LAMA2: variants seen among roughly 807,000 people sequenced by gnomAD.
The protein encoded by LAMA2 is laminin subunit alpha 2.
Under a neutral mutation model 364.8 loss-of-function variants are expected in LAMA2, and 269 were observed. The ratio of observed to expected loss-of-function variants is 0.74; its 90% CI spans 0.67 to 0.82. LAMA2 has a LOEUF of 0.82. Ranked by LOEUF, LAMA2 falls within the 40% of genes least tolerant of loss-of-function variation. The pLI is 0.00. For missense variants in LAMA2, 3,807 were observed against 3,873.2 expected, an observed-to-expected ratio of 0.98 and a Z score of 0.45; for synonymous variants, 1,379 against 1,370.6, an observed-to-expected ratio of 1.01 and a Z score of -0.14.
chr6:128,956,479 G>A (rs1429913810), intron 1 of LAMA2, among the ~76,000 whole-genome samples: 2 of 152,086 alleles, frequency 1.3e-5, no homozygotes, highest in Middle Eastern at 3.4e-3. Flanking sequence ...GTGAAACATA[G>A]CACTGGATAT....
In LAMA2 at chr6:129,456,415, C is replaced by T. The variant is rs56209257; in HGVS notation, c.6788C>T (p.Thr2263Met). ...ASIVPSTHHS[T>M]SPPGYTILDV... ...ATTGTGCCCAGCACACACCATTCGACGTCTCCTCCAGGGTACACGATTCTA... is the reference window on the plus strand; with the variant it reads ...ATTGTGCCCAGCACACACCATTCGATGTCTCCTCCAGGGTACACGATTCTA... The change falls in exon 48 of 65, where the codon ACG (threonine) becomes ATG (methionine). Residue 2263 changes from threonine (T) to methionine (M), a missense_variant. Physicochemically the swap from Thr to Met is moderately conservative, Grantham distance 81. Around this residue, in one of 3 missense-constraint regions of LAMA2, gnomAD observed 3,333 missense variants for 3,345.7 expected, o/e 1.00. Coordinates refer to ENST00000421865, the MANE Select transcript of LAMA2 (RefSeq NM_000426.4). 6.1e-4 allele frequency: 980 copies of T among 1,613,358 alleles called. 5 individuals carry two copies. The African/African-American group carries it at 9.2e-3, about 15-fold the overall frequency.
intron 4 of LAMA2, among the ~76,000 whole-genome samples, chr6:129,136,449 T>C (rs1029158526): frequency 6.6e-6 from 1 of 151,744 alleles, no homozygotes; most frequent in Non-Finnish European, 1.5e-5. Flanking sequence ...CACTGCCACA[T>C]GAAATCTGCT....
At chr6:129,245,666 G>A (rs1785702687) in intron 12 of LAMA2, among the ~76,000 whole-genome samples, 1 of 152,106 alleles carries the variant, frequency 6.6e-6, no homozygotes, top group Non-Finnish European at 1.5e-5. Flanking sequence ...AGTTCTCCCT[G>A]TTTGGAATCT....
intron 1 of LAMA2, among the ~76,000 whole-genome samples, chr6:128,911,968 A>T (rs1434145127): frequency 6.6e-6 from 1 of 152,180 alleles, no homozygotes; most frequent in Non-Finnish European, 1.5e-5. Flanking sequence ...TTTTGCATCC[A>T]TCAATATTTT....
intron 30 of LAMA2, among the ~76,000 whole-genome samples, chr6:129,343,852 A>G (rs1161496046): frequency 1.3e-5 from 2 of 152,176 alleles, no homozygotes; most frequent in Non-Finnish European, 2.9e-5. Flanking sequence ...AGCATGTATA[A>G]TGGGTCTTAA....
chr6:129,445,231 G>T (rs1782307539), intron 44 of LAMA2, among the ~76,000 whole-genome samples: 1 of 152,108 alleles, frequency 6.6e-6, no homozygotes, highest in African/African-American at 2.4e-5. Flanking sequence ...GTGAGAAAAA[G>T]AAAGAAAACC....
chr6:129,282,828 G>T (rs1045334302), intron 18 of LAMA2, among the ~76,000 whole-genome samples: 3 of 152,090 alleles, frequency 2.0e-5, no homozygotes, highest in African/African-American at 7.2e-5. Flanking sequence ...ATTTGAAAAA[G>T]GATGAGCTAC....
chr6:129,082,281 T>A (rs1774109448), intron 3 of LAMA2, among the ~76,000 whole-genome samples: 1 of 152,100 alleles, frequency 6.6e-6, no homozygotes, highest in Admixed American at 6.5e-5. Context: ...TGAGCTTTCC[T>A]GTCTGTGCTA....
chr6:129,123,284 C>T (rs553580380), intron 4 of LAMA2, among the ~76,000 whole-genome samples: 7 of 144,356 alleles, frequency 4.8e-5, no homozygotes, highest in Non-Finnish European at 7.5e-5. Flanking sequence ...TCAGCCTGAG[C>T]GATAGAGTAA....
chr6:129,348,747 T>G (rs1378408175), intron 30 of LAMA2, among the ~76,000 whole-genome samples: 1 of 152,208 alleles, frequency 6.6e-6, no homozygotes, highest in Non-Finnish European at 1.5e-5. Context: ...GTGTTCAAGG[T>G]AAAATGTAGT....
At position 129,328,279 on chromosome 6, in the gene LAMA2, C is replaced by A; in HGVS notation, c.4178C>A (p.Ala1393Glu). The change falls in exon 29 of 65, where the codon GCA becomes GAA. Residue 1393 changes from alanine (A) to glutamate (E), a missense_variant and splice_region_variant. By Grantham distance (107) the Ala-to-Glu change is moderately radical. Around this residue, in one of 3 missense-constraint regions of LAMA2, gnomAD observed 3,333 missense variants for 3,345.7 expected, o/e 1.00. Transcript: ENST00000421865. ...PLGYSGLSCE[A>E]CLPGFYRLRS... is the part of the protein sequence containing the mutation. ...CTAATTGGCTTCCTTTTCTTTCAGG[C>A]ATGCTTGCCGGGATTTTATCGACTG... 1.2e-6 allele frequency: 2 copies of A among 1,614,044 alleles called. No homozygotes were observed. The highest frequency in any genetic ancestry group is 2.2e-5 in the South Asian group (2 of 91,086).
chr6:129,136,609 G>A (rs1777810756), intron 4 of LAMA2, among the ~76,000 whole-genome samples: 1 of 150,584 alleles, frequency 6.6e-6, no homozygotes. Context: ...AGTTTCACTA[G>A]CAGAAAAGAA....
At chr6:129,427,101 T>C (rs535507080) in intron 40 of LAMA2, among the ~76,000 whole-genome samples, 5 of 152,378 alleles carry the variant, frequency 3.3e-5, no homozygotes, top group African/African-American at 1.2e-4. Flanking sequence ...TTCTATTAAC[T>C]TTGTGTCACC....
chr6:129,173,874 T>A (rs1780385586), intron 9 of LAMA2, among the ~76,000 whole-genome samples: 1 of 152,166 alleles, frequency 6.6e-6, no homozygotes, highest in Non-Finnish European at 1.5e-5. Flanking sequence ...GATTTTTCTT[T>A]TAGTTTTCTT....
At chr6:129,469,239 C>T (rs1187251865) in intron 51 of LAMA2, among the ~76,000 whole-genome samples, 1 of 151,740 alleles carries the variant, frequency 6.6e-6, no homozygotes, top group African/African-American at 2.4e-5. Context: ...GTATATTACT[C>T]GAGGTGTCAG....
chr6:128,967,542 G>A (rs773544163), intron 1 of LAMA2, among the ~76,000 whole-genome samples: 1 of 152,090 alleles, frequency 6.6e-6, no homozygotes, highest in African/African-American at 2.4e-5. Flanking sequence ...TGTGCTAAGG[G>A]GGTGACTAAA....
chr6:129,101,337 A>G (rs1264609857), intron 4 of LAMA2, among the ~76,000 whole-genome samples: 1 of 152,186 alleles, frequency 6.6e-6, no homozygotes, highest in East Asian at 1.9e-4. Context: ...CTCGGTACAT[A>G]CAGAATTTAC....
chr6:128,965,271 T>A (rs1433341394), intron 1 of LAMA2, among the ~76,000 whole-genome samples: 1 of 152,066 alleles, frequency 6.6e-6, no homozygotes, highest in Non-Finnish European at 1.5e-5. Flanking sequence ...CAGTGATCTC[T>A]ATTCTGAGTG....
intron 40 of LAMA2, among the ~76,000 whole-genome samples, chr6:129,407,275 C>G (rs150041281): frequency 0.011 from 1,621 of 152,164 alleles, 11 homozygotes; most frequent in Middle Eastern, 0.041. Context: ...CATCACAAGT[C>G]CACCCCTTGT....
Sources: gnomAD v4.1 joint callset for allele counts (sites outside exome capture counted in the v4.1 genomes callset) on GRCh38, gnomAD v4.1.1 for gene constraint, gnomAD v4.1.1 regional missense constraint, MANE v1.5 for transcripts, NCBI Gene and HGNC (gene_info 2026-07-23, HGNC 2026-07-21) for gene names.